Variants in PI4K2B observed in about 807,000 individuals in gnomAD.
PI4K2B encodes the protein phosphatidylinositol 4-kinase type 2 beta.
PI4K2B carries 46 observed loss-of-function variants against 56.6 expected under a neutral mutation model. The observed-to-expected ratio is 0.81, with a 90% confidence interval of 0.64 to 1.04. PI4K2B has a LOEUF of 1.04. Ranked by LOEUF, PI4K2B falls within the 50% of genes least tolerant of loss-of-function variation. The pLI is 0.00. For synonymous variants in PI4K2B, 211 were observed against 223.8 expected (o/e 0.94, Z 0.51); for missense variants, 556 against 607.7 (o/e 0.91, Z 0.89).
intron 8 of PI4K2B, 122 bp from the exon 9 acceptor site, chr4:25,269,022 T>C: frequency 1.8e-6 from 1 of 546,634 alleles, no homozygotes; most frequent in South Asian, 2.9e-5. Flanking sequence ...ATTTTTGTTT[T>C]ATTTTATCAA....
At chr4:25,242,848 CCCT>C (rs1715585238) in intron 1 of PI4K2B, among the ~76,000 whole-genome samples, 1 of 152,190 alleles carries the variant, frequency 6.6e-6, no homozygotes, top group South Asian at 2.1e-4. Flanking sequence ...AGGGTTGATT[CCCT>C]CCTCAAGTAG....
Position 25,255,081 on chromosome 4 carries a change from T to G in PI4K2B, c.440T>G (p.Phe147Cys), listed in dbSNP as rs1716208181. Residue 147 changes from phenylalanine to cysteine, a missense_variant, in exon 3 of 10, where the codon TTT becomes TGT. Transcript: ENST00000264864. Reference sequence around the variant, plus strand: ...TTGCTCTAGAAAATTATTGGTGTGTTTAAACCCAAATCAGAAGAGCCTTAT... The same window carrying G: ...TTGCTCTAGAAAATTATTGGTGTGTGTAAACCCAAATCAGAAGAGCCTTAT... Reference protein sequence around the residue: ...KDPKRKIIGVFKPKSEEPYGQ... With the variant: ...KDPKRKIIGVCKPKSEEPYGQ... 1 of 1,613,182 alleles carries G rather than the reference T, an allele frequency of 6.2e-7. No homozygotes were observed. Among genetic ancestry groups the G allele is most frequent in the Non-Finnish European group, 8.5e-7 (1 of 1,179,196 alleles).
At chr4:25,238,587 C>T (rs577273628) in intron 1 of PI4K2B, among the ~76,000 whole-genome samples, 9 of 152,156 alleles carry the variant, frequency 5.9e-5, no homozygotes, top group Admixed American at 1.3e-4. Flanking sequence ...CTGGTGGGTT[C>T]GTGGTCTCGC....
chr4:25,262,579 A>G (rs1321913342), intron 6 of PI4K2B, among the ~76,000 whole-genome samples: 1 of 152,130 alleles, frequency 6.6e-6, no homozygotes, highest in African/African-American at 2.4e-5. Context: ...TTGTTATTGT[A>G]TCTAGGCCAC....
At chr4:25,253,261 A>G (rs1177743004) in intron 2 of PI4K2B, among the ~76,000 whole-genome samples, 1 of 152,212 alleles carries the variant, frequency 6.6e-6, no homozygotes, top group East Asian at 1.9e-4. Context: ...TGAAAGTGAA[A>G]TGAACCACAG....
intron 2 of PI4K2B, among the ~76,000 whole-genome samples, chr4:25,252,757 T>A (rs918984801): frequency 2.0e-5 from 3 of 152,078 alleles, no homozygotes; most frequent in Admixed American, 6.6e-5. Context: ...GGACCATAGT[T>A]GCGTGCCACC....
chr4:25,260,309 A>G (rs959044232), intron 5 of PI4K2B, among the ~76,000 whole-genome samples: 2 of 151,968 alleles, frequency 1.3e-5, no homozygotes, highest in Admixed American at 1.3e-4. Flanking sequence ...CACTTAAAAC[A>G]ATGTCGGCCC....
At chr4:25,245,390 G>A (rs1177474236) in intron 1 of PI4K2B, among the ~76,000 whole-genome samples, 2 of 152,158 alleles carry the variant, frequency 1.3e-5, no homozygotes, top group Non-Finnish European at 2.9e-5. Context: ...GGATAGATGG[G>A]CAAATCTCGC....
chr4:25,268,453 C>A lies in PI4K2B; in HGVS notation c.1089C>A (p.His363Gln). The A allele has an allele frequency of 6.2e-7, 1 of 1,604,634 alleles. No homozygotes were observed. Among genetic ancestry groups the A allele is most frequent in the African/African-American group, 1.3e-5 (1 of 74,516 alleles). Residue 363 changes from histidine (H) to glutamine (Q), a missense_variant, in exon 8 of 10, where the codon CAC (histidine) becomes CAA (glutamine). Transcript: ENST00000264864. ...HPDEWRAYPFHWAWLPQAKVP... is the reference protein window; with the variant it reads ...HPDEWRAYPFQWAWLPQAKVP... ...GCTTTTTTCTATTAGATCCATTTCACTGGGCTTGGCTTCCTCAAGCAAAAG... is the reference window on the plus strand; with the variant it reads ...GCTTTTTTCTATTAGATCCATTTCAATGGGCTTGGCTTCCTCAAGCAAAAG...
At chr4:25,266,269 C>G (rs1181554058) in intron 7 of PI4K2B, among the ~76,000 whole-genome samples, 1 of 152,212 alleles carries the variant, frequency 6.6e-6, no homozygotes, top group African/African-American at 2.4e-5. Context: ...CTGGCTCAAG[C>G]AATCCTCCTG....
chr4:25,235,543 C>G (rs1715224301), intron 1 of PI4K2B, among the ~76,000 whole-genome samples: 1 of 152,180 alleles, frequency 6.6e-6, no homozygotes, highest in African/African-American at 2.4e-5. Context: ...AGCAGTTTGT[C>G]TGATTGTTTA....
chr4:25,253,464 G>A (rs1423616913), intron 2 of PI4K2B, among the ~76,000 whole-genome samples: 8 of 152,258 alleles, frequency 5.3e-5, no homozygotes, highest in African/African-American at 1.9e-4. Flanking sequence ...TTTTTAAAAT[G>A]ATTTTAAAGC....
chr4:25,254,559 G>A (rs1163198421), intron 2 of PI4K2B: 1 of 152,084 alleles, frequency 6.6e-6, no homozygotes, highest in African/African-American at 2.4e-5. Flanking sequence ...GACTACAGGT[G>A]CCCTCCACCA....
intron 9 of PI4K2B, among the ~76,000 whole-genome samples, chr4:25,269,776 C>T (rs1577698134): frequency 2.0e-5 from 3 of 151,600 alleles, no homozygotes; most frequent in Non-Finnish European, 2.9e-5. Context: ...TGCAGTGGAA[C>T]GATCTCGGCT....
intron 7 of PI4K2B, among the ~76,000 whole-genome samples, chr4:25,266,293 A>G (rs1403107068): frequency 2.6e-5 from 4 of 152,268 alleles, no homozygotes; most frequent in Admixed American, 6.5e-5. Flanking sequence ...CAGCCTCTCA[A>G]GTAGCTGAGA....
At chr4:25,266,917 T>G (rs186358301) in intron 7 of PI4K2B, among the ~76,000 whole-genome samples, 35 of 152,256 alleles carry the variant, frequency 2.3e-4, no homozygotes, top group African/African-American at 8.4e-4. Flanking sequence ...GAATGTTTTA[T>G]GAATGCTTAA....
intron 3 of PI4K2B, among the ~76,000 whole-genome samples, chr4:25,256,194 A>G (rs1716258629): frequency 6.6e-6 from 1 of 152,232 alleles, no homozygotes; most frequent in South Asian, 2.1e-4. Flanking sequence ...TTGGGATTAC[A>G]GGCATGAGCC....
rs543258716 is a variant in PI4K2B at position 25,248,498 on chromosome 4, T to C, written c.269-3823T>C. 4.6e-5 allele frequency among the ~76,000 whole-genome samples: 7 copies of C among 152,114 alleles called. No individual in the cohort carries two copies. The East Asian group carries it at 7.7e-4, about 17-fold the overall frequency. On this transcript the variant is annotated intron_variant, in intron 1 of 9. Coordinates refer to ENST00000264864, the MANE Select transcript of PI4K2B (RefSeq NM_018323.4). ...CTAAATAGAAAAGTAAAGTGGAGGTTAGAGATTGGGTAAGGGTCTTGGGGG... is the reference window on the plus strand; with the variant it reads ...CTAAATAGAAAAGTAAAGTGGAGGTCAGAGATTGGGTAAGGGTCTTGGGGG...
intron 7 of PI4K2B, among the ~76,000 whole-genome samples, chr4:25,266,963 A>G (rs1577696150): frequency 7.7e-6 from 1 of 130,526 alleles, no homozygotes; most frequent in Non-Finnish European, 1.7e-5. Context: ...GTGTGGAATC[A>G]GGGGTAACAG....
Sources: gnomAD v4.1 joint callset for allele counts (sites outside exome capture counted in the v4.1 genomes callset) on GRCh38, gnomAD v4.1.1 for gene constraint, MANE v1.5 for transcripts, NCBI Gene and HGNC (gene_info 2026-07-23, HGNC 2026-07-21) for gene names.